Variants in CBFA2T2 observed in about 807,000 individuals in gnomAD.
CBFA2T2 encodes the protein CBFA2/RUNX1 partner transcriptional co-repressor 2.
In CBFA2T2, 11 loss-of-function variants were observed where a neutral mutation model predicts 62.2. That is an observed-to-expected ratio of 0.18 (90% confidence interval 0.11 to 0.29). CBFA2T2 has a LOEUF of 0.29. CBFA2T2 is among the 10% of genes least tolerant of loss of function. The pLI is 1.00. For missense variants in CBFA2T2, 592 were observed against 774.1 expected (o/e 0.76, Z 2.79); for synonymous variants, 295 against 287.5 (o/e 1.03, Z -0.27).
Position 33,645,022 on chromosome 20 carries a change from C to T in CBFA2T2, c.*376C>T. ...CAGCCAGGCTGGAGGCGGCAGGCGG[C>T]AGGCAGCAGGCTGTGGAGGAGGCCC... On this transcript the variant is annotated 3_prime_UTR_variant, in exon 11 of 11. Transcript: ENST00000342704. 5.0e-6 allele frequency: 1 copy of T among 199,224 alleles called. No homozygotes were observed. The highest frequency in any genetic ancestry group is 1.0e-5 in the Non-Finnish European group (1 of 98,460). 12.3% of individuals were successfully genotyped at this position (199,224 alleles called of 1,614,324 possible).
At chr20:33,501,629 C>CTTTT (rs1237604827) in intron 1 of CBFA2T2, among the ~76,000 whole-genome samples, 8 of 31,064 alleles carry the variant, frequency 2.6e-4, no homozygotes, top group Non-Finnish European at 3.2e-4. Context: ...TCTTAGCCTT[C>CTTTT]CTTTTTTTTT....
At chr20:33,511,668 G>A (rs1282378036) in intron 1 of CBFA2T2, among the ~76,000 whole-genome samples, 1 of 152,196 alleles carries the variant, frequency 6.6e-6, no homozygotes, top group Non-Finnish European at 1.5e-5. Context: ...AATCATAAAT[G>A]TACAGCTCAG....
chr20:33,513,604 G>T (rs1231151296), intron 1 of CBFA2T2, among the ~76,000 whole-genome samples: 5 of 151,082 alleles, frequency 3.3e-5, no homozygotes, highest in African/African-American at 1.2e-4. Context: ...CTTGTGATCC[G>T]CCTGCGTTGG....
rs1002452942 is a variant in CBFA2T2 at position 33,629,038 on chromosome 20, G to A, written c.1032+603G>A. On this transcript the variant is annotated intron_variant, in intron 7 of 10. Coordinates refer to ENST00000342704, the MANE Select transcript of CBFA2T2 (RefSeq NM_001032999.3). ...CCCAGCTACTCGGGAAGCTAAGGCA[G>A]GAGGATCTCTTAAGCCCAGGAGCCA... Among the ~76,000 whole-genome samples, 7 of 152,356 alleles carry A rather than the reference G, an allele frequency of 4.6e-5. No individual in the cohort carries two copies. In the East Asian group the frequency reaches 1.3e-3, roughly 29 times the overall value.
chr20:33,494,348 C>T (rs1313321711), intron 1 of CBFA2T2, among the ~76,000 whole-genome samples: 7 of 116,346 alleles, frequency 6.0e-5, no homozygotes, highest in Non-Finnish European at 9.8e-5. Context: ...GTGGCACGAT[C>T]TCAGCTCACT....
At chr20:33,546,046 C>CTA (rs1286391629) in intron 1 of CBFA2T2, among the ~76,000 whole-genome samples, 1 of 152,302 alleles carries the variant, frequency 6.6e-6, no homozygotes, top group East Asian at 1.9e-4. Flanking sequence ...GCAAGCCTAC[C>CTA]ATGTGGTAGA....
intron 1 of CBFA2T2, chr20:33,574,036 A>T: frequency 7.7e-7 from 1 of 1,305,588 alleles, no homozygotes; most frequent in South Asian, 1.5e-5. Context: ...CGATCTTCCC[A>T]TGTTGGCTGC....
rs751038276 is a variant in CBFA2T2 at position 33,625,026 on chromosome 20, C to G, written c.946+9C>G. 1 of 1,607,074 alleles carries G rather than the reference C, an allele frequency of 6.2e-7. No homozygotes were observed. The highest frequency in any genetic ancestry group is 8.5e-7 in the Non-Finnish European group (1 of 1,174,388). On this transcript the variant is annotated intron_variant, in intron 6 of 10. Transcript: ENST00000342704. Reference sequence around the variant, plus strand: ...TAGACACCACAGTCTTGGTAAGCAACCGAAGCAGCATGGTAAATTCAGACT... The same window carrying G: ...TAGACACCACAGTCTTGGTAAGCAAGCGAAGCAGCATGGTAAATTCAGACT...
At position 33,586,343 on chromosome 20, in the gene CBFA2T2, T is replaced by A. The variant is rs1601012081; in HGVS notation, c.35-20613T>A. On this transcript the variant is annotated intron_variant, in intron 1 of 10. Transcript: ENST00000342704. ...ACAGGGACGGGGTTTCACTGTGTTG[T>A]TCAGGCTGGTCTTAACTCCTGACCT... 1.3e-5 allele frequency among the ~76,000 whole-genome samples: 2 copies of A among 152,212 alleles called. 1 individual carries two copies. The highest frequency in any genetic ancestry group is 4.2e-4 in the South Asian group (2 of 4,812).
At chr20:33,582,203 G>C (rs2014148352) in intron 1 of CBFA2T2, among the ~76,000 whole-genome samples, 1 of 152,084 alleles carries the variant, frequency 6.6e-6, no homozygotes. Context: ...TTGATCAAAT[G>C]AATCAGCAGC....
At chr20:33,529,600 C>T (rs1166491381) in intron 1 of CBFA2T2, among the ~76,000 whole-genome samples, 5 of 150,968 alleles carry the variant, frequency 3.3e-5, no homozygotes, top group Non-Finnish European at 7.4e-5. Context: ...AAATGCAAAA[C>T]GTTAGCTGGG....
At chr20:33,576,166 G>A (rs1235851378) in intron 1 of CBFA2T2, among the ~76,000 whole-genome samples, 2 of 152,122 alleles carry the variant, frequency 1.3e-5, no homozygotes, top group Non-Finnish European at 2.9e-5. Flanking sequence ...AGTCTACCAG[G>A]GAGGACTTGG....
intron 1 of CBFA2T2, among the ~76,000 whole-genome samples, chr20:33,509,195 C>G (rs921637712): frequency 6.7e-6 from 1 of 150,342 alleles, no homozygotes; most frequent in Non-Finnish European, 1.5e-5. Context: ...GGTGAAATCC[C>G]TTATTTACTA....
intron 1 of CBFA2T2, among the ~76,000 whole-genome samples, chr20:33,539,518 T>G (rs1357725386): frequency 6.6e-6 from 1 of 152,206 alleles, no homozygotes; most frequent in African/African-American, 2.4e-5. Flanking sequence ...CTTACTAAAC[T>G]TAGGGACTGG....
chr20:33,536,310 C>T (rs901900078), intron 1 of CBFA2T2, among the ~76,000 whole-genome samples: 4 of 142,290 alleles, frequency 2.8e-5, no homozygotes, highest in African/African-American at 5.1e-5. Context: ...TGACCCCCCC[C>T]ACCTCCCTCC....
At chr20:33,549,227 G>T (rs913991170) in intron 1 of CBFA2T2, among the ~76,000 whole-genome samples, 2 of 151,968 alleles carry the variant, frequency 1.3e-5, no homozygotes, top group African/African-American at 4.8e-5. Flanking sequence ...TTGGATTAAG[G>T]TGCTTGGGAA....
intron 1 of CBFA2T2, among the ~76,000 whole-genome samples, chr20:33,550,255 G>A (rs552172659): frequency 6.6e-6 from 1 of 152,138 alleles, no homozygotes; most frequent in Non-Finnish European, 1.5e-5. Flanking sequence ...TATTAGCAAA[G>A]TAGTCTTGAA....
chr20:33,562,767 T>C (rs1234129245), intron 1 of CBFA2T2: 9 of 702,340 alleles, frequency 1.3e-5, no homozygotes, highest in Non-Finnish European at 1.6e-5. Flanking sequence ...ATGATATGAA[T>C]GTTTCTTGGT....
At chr20:33,613,616 C>G (rs1568852902) in intron 3 of CBFA2T2, among the ~76,000 whole-genome samples, 1 of 152,198 alleles carries the variant, frequency 6.6e-6, no homozygotes, top group Non-Finnish European at 1.5e-5. Flanking sequence ...TTGCCTAGCA[C>G]CTGCCAAATT....
Sources: gnomAD v4.1 joint callset for allele counts (sites outside exome capture counted in the v4.1 genomes callset) on GRCh38, gnomAD v4.1.1 for gene constraint, MANE v1.5 for transcripts, NCBI Gene and HGNC (gene_info 2026-07-23, HGNC 2026-07-21) for gene names.